SEC22C: variants seen among roughly 807,000 people sequenced by gnomAD.
SEC22C encodes SEC22 homolog C, vesicle trafficking protein, also known as vesicle-trafficking protein SEC22c.
A neutral mutation model predicts 34.7 loss-of-function variants in SEC22C; 29 were observed. The observed-to-expected ratio is 0.84, with a 90% CI of 0.62 to 1.14. The LOEUF (loss-of-function observed/expected upper bound fraction) is 1.14. SEC22C is among the 50% of genes most tolerant of loss of function. SEC22C has a pLI of 0.00. For synonymous variants in SEC22C, 117 were observed against 132.8 expected, an observed-to-expected ratio of 0.88 and a Z score of 0.82; for missense variants, 337 against 369.0, an observed-to-expected ratio of 0.91 and a Z score of 0.71.
chr3:42,591,545 G>A (rs1409544059), intron 1 of SEC22C: 2 of 1,613,940 alleles, frequency 1.2e-6, no homozygotes, highest in South Asian at 2.2e-5. Flanking sequence ...AGAATGACCA[G>A]CTGATCCGCT....
chr3:42,582,074 A>C (rs1452314389), upstream of SEC22C: 3 of 152,224 alleles, frequency 2.0e-5, no homozygotes, highest in Non-Finnish European at 2.9e-5. Flanking sequence ...GCGCCTCCAC[A>C]GCCCCCGTCC....
upstream of SEC22C, chr3:42,582,287 G>C (rs1346452667): frequency 3.3e-5 from 5 of 152,322 alleles, no homozygotes; most frequent in African/African-American, 9.6e-5. Context: ...GGTAGCAACC[G>C]GACTGACGTC....
At position 42,561,263 on chromosome 3, in the gene SEC22C, T is replaced by C. The variant is rs1702891129; in HGVS notation, c.380A>G (p.Asn127Ser). 2 of 1,614,118 alleles carry C rather than the reference T, an allele frequency of 1.2e-6. No homozygotes were observed. Among genetic ancestry groups the C allele is most frequent in the South Asian group, 2.2e-5 (2 of 91,092 alleles). The change falls in exon 4 of 7, where the codon AAC (asparagine) becomes AGC (serine). Residue 127 changes from asparagine to serine, a missense_variant. By Grantham distance (46) the Asn-to-Ser change is conservative. Transcript: ENST00000264454. ...CTCCATCTGAGAGGAACTTACATAG[T>C]TAAAATGCCACTTCACTTTCTGAAT... Reference protein sequence around the residue: ...SIIQKVKWHFNYVSSSQMECS... With the variant: ...SIIQKVKWHFSYVSSSQMECS...
chr3:42,597,483 G>C (rs1347884243), intron 1 of SEC22C, among the ~76,000 whole-genome samples: 1 of 151,894 alleles, frequency 6.6e-6, no homozygotes, highest in African/African-American at 2.4e-5. Context: ...TTGATCTCAG[G>C]AGGCAGAGGT....
At chr3:42,555,629 C>T (rs1199217937) in intron 6 of SEC22C, among the ~76,000 whole-genome samples, 1 of 152,226 alleles carries the variant, frequency 6.6e-6, no homozygotes, top group African/African-American at 2.4e-5. Context: ...CCTATGTAAT[C>T]TCATCCCTCC....
At chr3:42,572,630 G>A (rs1255404623) in intron 1 of SEC22C, among the ~76,000 whole-genome samples, 2 of 152,186 alleles carry the variant, frequency 1.3e-5, no homozygotes, top group Non-Finnish European at 2.9e-5. Context: ...CCATTGGGCA[G>A]TAATAAGACA....
intron 1 of SEC22C, among the ~76,000 whole-genome samples, chr3:42,587,152 C>T (rs1704639484): frequency 6.6e-6 from 1 of 152,196 alleles, no homozygotes; most frequent in Non-Finnish European, 1.5e-5. Flanking sequence ...TGGGCGTCTT[C>T]CCTAACTTTC....
chr3:42,582,060 C>T (rs867024217), upstream of SEC22C: 2 of 152,338 alleles, frequency 1.3e-5, no homozygotes, highest in Non-Finnish European at 2.9e-5. Flanking sequence ...CGACCAATCC[C>T]GGCGCGCCTC....
chr3:42,561,557 A>G (rs1431361267), intron 3 of SEC22C, among the ~76,000 whole-genome samples: 1 of 151,904 alleles, frequency 6.6e-6, no homozygotes, highest in Non-Finnish European at 1.5e-5. Flanking sequence ...TTTCATTTTT[A>G]AATTGTTTTT....
intron 2 of SEC22C, among the ~76,000 whole-genome samples, chr3:42,564,886 T>C (rs1703140630): frequency 6.6e-6 from 1 of 152,056 alleles, no homozygotes; most frequent in South Asian, 2.1e-4. Context: ...GCCTCCCGAG[T>C]AGCTGGGACT....
intron 1 of SEC22C, among the ~76,000 whole-genome samples, chr3:42,590,401 C>A (rs1024402484): frequency 1.3e-5 from 2 of 152,102 alleles, no homozygotes; most frequent in Non-Finnish European, 2.9e-5. Context: ...GAGGCCGAGG[C>A]GGGCGGATCA....
rs115770439 is a variant in SEC22C at position 42,557,970 on chromosome 3, A to G, written c.527-274T>C. Among the ~76,000 whole-genome samples, 458 of 152,312 alleles carry G rather than the reference A, an allele frequency of 3.0e-3. 3 individuals are homozygous for G. Among genetic ancestry groups the G allele is most frequent in the African/African-American group, 0.011 (442 of 41,580 alleles). On this transcript the variant is annotated intron_variant, in intron 4 of 6. Coordinates refer to ENST00000264454, the MANE Select transcript of SEC22C (RefSeq NM_032970.4). ...TTTTCAAGTGCTTAATTTCCTTTCTATCTAAAGCAGTGGTTCTCAACCAGG... is the reference window on the plus strand; with the variant it reads ...TTTTCAAGTGCTTAATTTCCTTTCTGTCTAAAGCAGTGGTTCTCAACCAGG...
At chr3:42,561,700 T>A (rs905478204) in intron 3 of SEC22C, among the ~76,000 whole-genome samples, 2 of 152,232 alleles carry the variant, frequency 1.3e-5, no homozygotes, top group Non-Finnish European at 2.9e-5. Context: ...AAGTTCACAT[T>A]TCTAAGAGCT....
intron 1 of SEC22C, among the ~76,000 whole-genome samples, chr3:42,579,982 G>C (rs1166201085): frequency 6.6e-6 from 1 of 152,226 alleles, no homozygotes; most frequent in African/African-American, 2.4e-5. Context: ...TAAAAGTAGA[G>C]TGAAGTAGTA....
rs745668635 is a variant in SEC22C at position 42,566,992 on chromosome 3, T to C, written c.182+1873A>G. Among the ~76,000 whole-genome samples the C allele has an allele frequency of 2.0e-5, 3 of 152,318 alleles. No individual in the cohort carries two copies. The East Asian group carries it at 5.8e-4, about 29-fold the overall frequency. On this transcript the variant is annotated intron_variant, in intron 2 of 6. Coordinates refer to ENST00000264454, the MANE Select transcript of SEC22C (RefSeq NM_032970.4). The stretch of plus-strand genomic sequence containing the variant: ...GCTGAGGTGTGAACATGGCTCACTG[T>C]GGCCTCGACCTCCTGGGCTTGAGCA...
chr3:42,573,057 G>GCTCAGGCTCATCTTGAACT (rs1703742004), intron 1 of SEC22C, among the ~76,000 whole-genome samples: 1 of 151,902 alleles, frequency 6.6e-6, no homozygotes, highest in Non-Finnish European at 1.5e-5. Flanking sequence ...TCGCTATGTT[G>GCTCAGGCTCATCTTGAACT]CTCAGGCTCA....
In SEC22C at chr3:42,552,088, C is replaced by G. The variant is rs1462844435; in HGVS notation, c.*1160G>C. 2 of 985,278 alleles carry G rather than the reference C, an allele frequency of 2.0e-6. No individual in the cohort carries two copies. The highest frequency in any genetic ancestry group is 1.7e-5 in the African/African-American group (1 of 57,222). 61.0% of individuals were successfully genotyped at this position (985,278 alleles called of 1,614,324 possible). A position where few individuals can be genotyped will look rare whatever the true frequency, so the allele number is the denominator to read the frequency against. On this transcript the variant is annotated 3_prime_UTR_variant, in exon 7 of 7. Coordinates refer to ENST00000264454, the MANE Select transcript of SEC22C (RefSeq NM_032970.4). ...AAACCTAAGGGATCTTATCCAGAAC[C>G]ATATTTTGGAAAACTGTGATCAATC...
intron 1 of SEC22C, among the ~76,000 whole-genome samples, chr3:42,577,785 C>T (rs576181989): frequency 4.6e-4 from 70 of 152,084 alleles, no homozygotes; most frequent in Non-Finnish European, 8.8e-4. Flanking sequence ...GCCTGGCCAA[C>T]ACGGTGAAAC....
intron 1 of SEC22C, among the ~76,000 whole-genome samples, chr3:42,570,052 G>A (rs2125714146): frequency 6.6e-6 from 1 of 152,236 alleles, no homozygotes; most frequent in Non-Finnish European, 1.5e-5. Context: ...TCCTCTACTT[G>A]ACAGGATCCT....
Sources: gnomAD v4.1 joint callset for allele counts (sites outside exome capture counted in the v4.1 genomes callset) on GRCh38, gnomAD v4.1.1 for gene constraint, MANE v1.5 for transcripts, NCBI Gene and HGNC (gene_info 2026-07-23, HGNC 2026-07-21) for gene names.